TSGA10: variants seen among roughly 807,000 people sequenced by gnomAD.
TSGA10 encodes the protein testis-specific gene 10 protein.
In TSGA10, 43 loss-of-function variants were observed where a neutral mutation model predicts 96.6. The observed-to-expected ratio is 0.44, with a 90% CI of 0.35 to 0.57. TSGA10 has a LOEUF of 0.57. TSGA10 is among the 20% of genes least tolerant of loss of function. The pLI, the probability that TSGA10 is intolerant of heterozygous loss-of-function variation, is 0.01. For synonymous variants in TSGA10, 229 were observed against 269.9 expected, an observed-to-expected ratio of 0.85 and a Z score of 1.48; for missense variants, 703 against 834.4, an observed-to-expected ratio of 0.84 and a Z score of 1.94.
intron 12 of TSGA10, among the ~76,000 whole-genome samples, chr2:99,073,601 A>G (rs887947817): frequency 6.6e-6 from 1 of 152,252 alleles, no homozygotes; most frequent in African/African-American, 2.4e-5. Flanking sequence ...AATTACTTAT[A>G]GAAGTATACT....
chr2:99,098,651 A>G (rs1168543086), intron 10 of TSGA10, among the ~76,000 whole-genome samples: 1 of 152,042 alleles, frequency 6.6e-6, no homozygotes. Context: ...GTCTTTGGAA[A>G]AAACTAATAA....
At chr2:99,135,782 G>T (rs1372505399) in intron 1 of TSGA10, among the ~76,000 whole-genome samples, 1 of 152,182 alleles carries the variant, frequency 6.6e-6, no homozygotes, top group Non-Finnish European at 1.5e-5. Context: ...GCTGAGGCGG[G>T]CGGATCACCT....
intron 1 of TSGA10, among the ~76,000 whole-genome samples, chr2:99,139,308 G>C (rs1348972911): frequency 6.6e-6 from 1 of 152,086 alleles, no homozygotes; most frequent in Non-Finnish European, 1.5e-5. Context: ...TTTCTGTCTG[G>C]TTGAATTTTA....
chr2:99,065,730 T>C (rs1472460136), intron 15 of TSGA10, among the ~76,000 whole-genome samples: 3 of 152,216 alleles, frequency 2.0e-5, no homozygotes, highest in Non-Finnish European at 4.4e-5. Flanking sequence ...TTTCCTGAAA[T>C]TGCTCAGAAG....
chr2:99,018,111 G>C, intron 20 of TSGA10, 89 bp downstream of exon 20: 1 of 1,311,762 alleles, frequency 7.6e-7, no homozygotes, highest in Non-Finnish European at 1.0e-6. Flanking sequence ...ATTAAAGATA[G>C]ACTATTGAGT....
rs2093631653 is a variant in TSGA10 at position 99,146,323 on chromosome 2, C to A, written c.-621+8370G>T. Among the ~76,000 whole-genome samples, 5 of 152,222 alleles carry A rather than the reference C, an allele frequency of 3.3e-5. No individual in the cohort carries two copies. The South Asian group carries it at 1.0e-3, about 32-fold the overall frequency. On this transcript the variant is annotated intron_variant, in intron 1 of 20. Coordinates refer to ENST00000393483, the MANE Select transcript of TSGA10 (RefSeq NM_025244.4). ...GTTTTTATATCCTTTGCCCATTTTT[C>A]TATTGGGTTTTCTTTTTCCTTGCTA... is the stretch of plus-strand genomic sequence containing the variant.
chr2:99,093,101 C>T (rs1039688224), intron 10 of TSGA10, among the ~76,000 whole-genome samples: 3 of 152,004 alleles, frequency 2.0e-5, no homozygotes, highest in South Asian at 2.1e-4. Context: ...GTTTAACATA[C>T]GCAAGTCAAT....
chr2:99,039,256 C>T (rs911730275), intron 16 of TSGA10, among the ~76,000 whole-genome samples: 3 of 149,988 alleles, frequency 2.0e-5, no homozygotes, highest in East Asian at 3.9e-4. Context: ...ACTCAAACCC[C>T]GCAGAAGAAA....
At chr2:99,007,768 A>C (rs539007634) in intron 20 of TSGA10, among the ~76,000 whole-genome samples, 89 of 152,336 alleles carry the variant, frequency 5.8e-4, no homozygotes, top group African/African-American at 2.0e-3. Context: ...CACCACAGAA[A>C]TTGGCAAGTG....
intron 16 of TSGA10, among the ~76,000 whole-genome samples, chr2:99,061,054 A>T (rs1005169287): frequency 7.2e-5 from 11 of 152,208 alleles, no homozygotes; most frequent in African/African-American, 2.4e-4. Flanking sequence ...AAATTGGTAA[A>T]CTGGACTTCA....
chr2:99,098,026 T>G (rs959761678), intron 10 of TSGA10, among the ~76,000 whole-genome samples: 1 of 151,900 alleles, frequency 6.6e-6, no homozygotes, highest in African/African-American at 2.4e-5. Flanking sequence ...AATGAAAAAA[T>G]TGACAGGTCT....
chr2:99,089,032 G>A (rs2088935160), intron 10 of TSGA10, among the ~76,000 whole-genome samples: 1 of 152,180 alleles, frequency 6.6e-6, no homozygotes, highest in Admixed American at 6.5e-5. Context: ...GAAGGAAGAG[G>A]ATTGCTCCTG....
At chr2:99,085,595 G>A (rs1327609984) in intron 10 of TSGA10, among the ~76,000 whole-genome samples, 1 of 107,010 alleles carries the variant, frequency 9.3e-6, no homozygotes, top group South Asian at 3.0e-4. Flanking sequence ...GGCAACAGAG[G>A]GCAATCCTGT....
intron 9 of TSGA10, among the ~76,000 whole-genome samples, chr2:99,104,764 C>T (rs941168876): frequency 6.6e-6 from 1 of 152,098 alleles, no homozygotes; most frequent in Admixed American, 6.5e-5. Context: ...CATGAGCCAC[C>T]GTGCCCAGCC....
intron 2 of TSGA10, among the ~76,000 whole-genome samples, chr2:99,124,384 T>G (rs7601041): frequency 6.6e-6 from 1 of 152,172 alleles, no homozygotes; most frequent in African/African-American, 2.4e-5. Context: ...TTTTCAGATA[T>G]GTAATTTGGA....
At chr2:99,114,821 T>A (rs2092114915) in intron 4 of TSGA10, among the ~76,000 whole-genome samples, 1 of 152,188 alleles carries the variant, frequency 6.6e-6, no homozygotes. Flanking sequence ...AAACAGGGCA[T>A]TCTCATTGTT....
intron 16 of TSGA10, among the ~76,000 whole-genome samples, chr2:99,064,225 G>GA (rs2085007781): frequency 1.3e-5 from 2 of 151,724 alleles, no homozygotes; most frequent in Admixed American, 1.3e-4. Flanking sequence ...TTTTATCACA[G>GA]AAAAAAGTGA....
At chr2:99,080,367 T>C (rs2087298951) in intron 11 of TSGA10, among the ~76,000 whole-genome samples, 1 of 152,160 alleles carries the variant, frequency 6.6e-6, no homozygotes. Flanking sequence ...AACACTCACT[T>C]CTGGGTCTTC....
intron 2 of TSGA10, among the ~76,000 whole-genome samples, chr2:99,123,254 C>G (rs1029038623): frequency 6.6e-6 from 1 of 152,086 alleles, no homozygotes; most frequent in African/African-American, 2.4e-5. Context: ...CTTCTTTCAT[C>G]TGTTTTATGT....
Sources: allele counts gnomAD v4.1 joint callset (sites outside exome capture counted in the v4.1 genomes callset), GRCh38; gene constraint gnomAD v4.1.1; transcripts MANE v1.5; gene names NCBI Gene and HGNC (gene_info 2026-07-23, HGNC 2026-07-21).